The following TMEM178B variants were observed in gnomAD, a reference collection of about 807,000 sequenced individuals.
The protein encoded by TMEM178B is transmembrane protein 178B.
In TMEM178B, 5 loss-of-function variants were observed where a neutral mutation model predicts 31.0. The observed-to-expected ratio is 0.16, with a 90% CI of 0.08 to 0.34. The LOEUF (loss-of-function observed/expected upper bound fraction) is 0.34, where lower values mean the gene tolerates loss of function less well. Among genes scored for constraint, TMEM178B ranks in the 10% least tolerant of loss-of-function variants. The pLI is 1.00. For missense variants in TMEM178B, 275 were observed against 400.3 expected (o/e 0.69, Z 2.67); for synonymous variants, 164 against 164.0 (o/e 1.00, Z 0.00).
intron 2 of TMEM178B, among the ~76,000 whole-genome samples, chr7:141,235,809 G>A (rs2129192441): frequency 6.6e-6 from 1 of 152,236 alleles, no homozygotes; most frequent in Non-Finnish European, 1.5e-5. Flanking sequence ...AAATTGCCAG[G>A]GCCTCGGATA....
chr7:141,193,501 G>A (rs1796730524), intron 1 of TMEM178B, among the ~76,000 whole-genome samples: 1 of 152,152 alleles, frequency 6.6e-6, no homozygotes, highest in Non-Finnish European at 1.5e-5. Flanking sequence ...GATGCCTGGG[G>A]TCCCAGGGGG....
rs1802305331 is a variant in TMEM178B at position 141,473,896 on chromosome 7, A to T, written c.*3110A>T. On this transcript the variant is annotated 3_prime_UTR_variant, in exon 4 of 4. Coordinates refer to ENST00000565468, the MANE Select transcript of TMEM178B (RefSeq NM_001195278.2). ...CAGATTAAAACATGTGACTCCAACC[A>T]GTTACGGAAGCTTTCTGGCTGTGAG... The T allele has an allele frequency of 6.6e-6, 1 of 152,254 alleles. No individual in the cohort carries two copies. The highest frequency in any genetic ancestry group is 6.5e-5 in the Admixed American group (1 of 15,282). The allele number at this position is 152,254 out of a possible 1,614,324, so 9.4% of individuals were successfully genotyped here.
In TMEM178B at chr7:141,473,739, A is replaced by G. The variant is rs950452014; in HGVS notation, c.*2953A>G. 7 of 152,328 alleles carry G rather than the reference A, an allele frequency of 4.6e-5. No individual in the cohort carries two copies. In the East Asian group the frequency reaches 7.7e-4, roughly 17 times the overall value. 9.4% of individuals were successfully genotyped at this position (152,328 alleles called of 1,614,324 possible). On this transcript the variant is annotated 3_prime_UTR_variant, in exon 4 of 4. Coordinates refer to ENST00000565468, the MANE Select transcript of TMEM178B (RefSeq NM_001195278.2). The stretch of plus-strand genomic sequence containing the variant: ...CAGATAAATACGAACACACTTTGGG[A>G]TCTGATCCTGCTGGGAAGCAAAAGA...
intron 1 of TMEM178B, among the ~76,000 whole-genome samples, chr7:141,180,226 A>G (rs1796498615): frequency 6.6e-6 from 1 of 152,172 alleles, no homozygotes; most frequent in African/African-American, 2.4e-5. Flanking sequence ...CATGCCTATA[A>G]TTCCAGCACA....
intron 1 of TMEM178B, among the ~76,000 whole-genome samples, chr7:141,107,983 T>G (rs1374902972): frequency 6.6e-6 from 1 of 152,212 alleles, no homozygotes; most frequent in Non-Finnish European, 1.5e-5. Context: ...AGAAAGTGTT[T>G]CCAGGAGGAG....
At chr7:141,165,901 GGT>G (rs1796252782) in intron 1 of TMEM178B, among the ~76,000 whole-genome samples, 1 of 152,204 alleles carries the variant, frequency 6.6e-6, no homozygotes, top group Non-Finnish European at 1.5e-5. Context: ...TGTACAGAAA[GGT>G]GCTTAGCATT....
the TMEM178B span, among the ~76,000 whole-genome samples, chr7:141,497,822 G>GA: frequency 0.032 from 4,855 of 152,226 alleles, 252 homozygotes; most frequent in African/African-American, 0.11. Context: ...TGTCTAGAAA[G>GA]AAAAAACATC....
At chr7:141,365,369 C>T (rs949228191) in intron 2 of TMEM178B, among the ~76,000 whole-genome samples, 5 of 152,202 alleles carry the variant, frequency 3.3e-5, no homozygotes, top group African/African-American at 9.6e-5. Flanking sequence ...TTGATGCCCT[C>T]GCAGTGTGCT....
At chr7:141,413,122 A>G (rs1586944160) in intron 2 of TMEM178B, among the ~76,000 whole-genome samples, 1 of 152,184 alleles carries the variant, frequency 6.6e-6, no homozygotes, top group East Asian at 1.9e-4. Flanking sequence ...GAGCCCTTCT[A>G]TGCGCCACTC....
intron 1 of TMEM178B, among the ~76,000 whole-genome samples, chr7:141,184,042 A>G (rs192274233): frequency 5.3e-5 from 8 of 152,226 alleles, no homozygotes; most frequent in African/African-American, 1.9e-4. Flanking sequence ...AAGGAGAGAC[A>G]TTCTTTGTGA....
At chr7:141,338,748 C>T (rs187661267) in intron 2 of TMEM178B, among the ~76,000 whole-genome samples, 4 of 152,288 alleles carry the variant, frequency 2.6e-5, no homozygotes, top group East Asian at 1.9e-4. Flanking sequence ...GTGGGGTATG[C>T]AGAGGGTATG....
intron 2 of TMEM178B, among the ~76,000 whole-genome samples, chr7:141,264,182 C>T (rs1798058745): frequency 6.6e-6 from 1 of 152,150 alleles, no homozygotes; most frequent in African/African-American, 2.4e-5. Flanking sequence ...TCAGCAAGAC[C>T]CAAAGCCCTC....
chr7:141,425,773 T>A (rs1304779622), intron 2 of TMEM178B, among the ~76,000 whole-genome samples: 2 of 152,260 alleles, frequency 1.3e-5, no homozygotes, highest in African/African-American at 2.4e-5. Context: ...GACAATGGAT[T>A]TGATTTGTAT....
chr7:141,214,976 TG>T (rs939620521), intron 2 of TMEM178B, among the ~76,000 whole-genome samples: 1 of 152,166 alleles, frequency 6.6e-6, no homozygotes, highest in African/African-American at 2.4e-5. Flanking sequence ...AGGGAACATT[TG>T]CCATTTCTGA....
At chr7:141,337,534 A>T (rs73737801) in intron 2 of TMEM178B, among the ~76,000 whole-genome samples, 1,591 of 152,318 alleles carry the variant, frequency 0.01, 34 homozygotes, top group African/African-American at 0.036. Context: ...CAGTATTATT[A>T]GCTTATGGTA....
chr7:141,372,326 C>T (rs1166137538), intron 2 of TMEM178B, among the ~76,000 whole-genome samples: 1 of 152,114 alleles, frequency 6.6e-6, no homozygotes, highest in Non-Finnish European at 1.5e-5. Context: ...TGTCTCTGCT[C>T]GGGACACACA....
At chr7:141,166,196 A>G (rs1050873722) in intron 1 of TMEM178B, among the ~76,000 whole-genome samples, 3 of 152,180 alleles carry the variant, frequency 2.0e-5, no homozygotes, top group Non-Finnish European at 2.9e-5. Context: ...CCAATTATGA[A>G]GTTCCCCTTG....
At chr7:141,167,178 T>A (rs1796275113) in intron 1 of TMEM178B, among the ~76,000 whole-genome samples, 1 of 152,214 alleles carries the variant, frequency 6.6e-6, no homozygotes, top group Non-Finnish European at 1.5e-5. Flanking sequence ...TTTGCTTTGC[T>A]CTGAGGACAC....
At chr7:141,385,460 G>A (rs1289179519) in intron 2 of TMEM178B, among the ~76,000 whole-genome samples, 1 of 152,170 alleles carries the variant, frequency 6.6e-6, no homozygotes, top group South Asian at 2.1e-4. Flanking sequence ...AAATAAAAAT[G>A]TACATTGAAA....
Sources: allele counts gnomAD v4.1 joint callset (sites outside exome capture counted in the v4.1 genomes callset), GRCh38; gene constraint gnomAD v4.1.1; transcripts MANE v1.5; gene names NCBI Gene and HGNC (gene_info 2026-07-23, HGNC 2026-07-21).